MAGEB10: variants seen among roughly 807,000 people sequenced by gnomAD.
MAGEB10 encodes melanoma-associated antigen B10.
For missense variants in MAGEB10, 190 were observed against 261.9 expected (o/e 0.73, Z 1.89); for synonymous variants, 99 against 101.0 (o/e 0.98, Z 0.12).
chrX:27,815,017 T>C (rs1256168584), intron 1 of MAGEB10, among the ~76,000 whole-genome samples: 1 of 112,071 alleles, frequency 8.9e-6, no homozygotes, highest in East Asian at 2.8e-4. Flanking sequence ...CTCATTTTCG[T>C]AGGGTCCATC....
intron 1 of MAGEB10, among the ~76,000 whole-genome samples, chrX:27,810,200 C>T (rs1442184039): frequency 9.0e-6 from 1 of 111,714 alleles, no homozygotes; most frequent in Non-Finnish European, 1.9e-5. Context: ...ATAAATCTTG[C>T]TGCTGCTCCC....
At chrX:27,815,287 C>A (rs1923762594) in intron 1 of MAGEB10, among the ~76,000 whole-genome samples, 1 of 112,485 alleles carries the variant, frequency 8.9e-6, no homozygotes, top group Non-Finnish European at 1.9e-5. Flanking sequence ...CAACTCCCTG[C>A]AGATGTCCTC....
At chrX:27,812,307 C>G in intron 1 of MAGEB10, 1 of 167,529 alleles carries the variant, frequency 6.0e-6, no homozygotes, top group Admixed American at 6.0e-5. Context: ...AAATGTAATC[C>G]AGACGTAAAA....
At chrX:27,808,642 G>C (rs767023150) in intron 1 of MAGEB10, among the ~76,000 whole-genome samples, 2 of 111,070 alleles carry the variant, frequency 1.8e-5, no homozygotes, top group Admixed American at 1.9e-4. Context: ...AAAAAACCCC[G>C]GGCAGGGATC....
intron 1 of MAGEB10, among the ~76,000 whole-genome samples, chrX:27,816,987 A>C (rs1370073284): frequency 3.6e-5 from 4 of 109,717 alleles, no homozygotes; most frequent in Non-Finnish European, 7.6e-5. Flanking sequence ...TTGACACTGA[A>C]ATATGAACAG....
intron 1 of MAGEB10, among the ~76,000 whole-genome samples, chrX:27,811,693 G>C (rs1243412007): frequency 4.5e-5 from 5 of 112,275 alleles, no homozygotes; most frequent in Non-Finnish European, 5.6e-5. Flanking sequence ...TGATTCCTCA[G>C]GGGAAAGGCC....
rs781292678 is a variant in MAGEB10, at chrX:27,822,017, G to A, written c.711G>A (p.Glu237=). The change falls in exon 3 of 3, where the codon GAG becomes GAA. Residue 237 remains glutamate, a synonymous_variant. Coordinates refer to ENST00000356790, the MANE Select transcript of MAGEB10 (RefSeq NM_182506.3). ...CGATGGGGTTATATGACGGAATTGA[G>A]CACTTCATGTTTGGGGAGCCCAGGA... is the stretch of plus-strand genomic sequence containing the variant. ...FNTMGLYDGI[E]HFMFGEPRKL... The A allele has an allele frequency of 2.6e-5, 32 of 1,210,125 alleles. No individual in the cohort carries two copies. The highest frequency in any genetic ancestry group is 3.2e-5 in the Non-Finnish European group (29 of 895,328).
At chrX:27,818,753 T>C (rs1180317649) in intron 2 of MAGEB10, among the ~76,000 whole-genome samples, 1 of 112,075 alleles carries the variant, frequency 8.9e-6, no homozygotes, top group Non-Finnish European at 1.9e-5. Flanking sequence ...TTGAATGGAC[T>C]GCAGGTAACA....
At chrX:27,815,047 C>T (rs1267279240) in intron 1 of MAGEB10, among the ~76,000 whole-genome samples, 1 of 111,744 alleles carries the variant, frequency 8.9e-6, no homozygotes, top group African/African-American at 3.3e-5. Flanking sequence ...CTCCAGGGTT[C>T]TTTGGGAGCT....
At chrX:27,819,171 G>A (rs1284304323) in intron 2 of MAGEB10, among the ~76,000 whole-genome samples, 1 of 110,890 alleles carries the variant, frequency 9.0e-6, no homozygotes, top group Non-Finnish European at 1.9e-5. Flanking sequence ...GGTTGGGGAC[G>A]AAGGCTTTGT....
In MAGEB10 at chrX:27,822,612, G is replaced by A; in HGVS notation, c.*262G>A. 2.9e-6 allele frequency: 1 copy of A among 342,021 alleles called. No individual in the cohort carries two copies. The highest frequency in any genetic ancestry group is 5.2e-6 in the Non-Finnish European group (1 of 191,932). 28.2% of individuals were successfully genotyped at this position (342,021 alleles called of 1,213,427 possible). A position where few individuals can be genotyped will look rare whatever the true frequency, so the allele number is the denominator to read the frequency against. ...ATTTATTGCTTTATAAGTCTAATTG[G>A]GAAACTCTCCATTTATTTAGTGATC... On this transcript the variant is annotated 3_prime_UTR_variant, in exon 3 of 3. Transcript: ENST00000356790.
chrX:27,819,348 G>C (rs1039668265), intron 2 of MAGEB10, among the ~76,000 whole-genome samples: 3 of 111,488 alleles, frequency 2.7e-5, no homozygotes, highest in Non-Finnish European at 3.8e-5. Context: ...GGTCCCATAT[G>C]GGGGTGGCTA....
intron 1 of MAGEB10, among the ~76,000 whole-genome samples, chrX:27,817,315 C>T: frequency 9.1e-6 from 1 of 109,990 alleles, no homozygotes; most frequent in Middle Eastern, 4.7e-3. Context: ...TGTATGTATT[C>T]TTGTTGCCAA....
At chrX:27,820,320 T>C (rs1602865846) in intron 2 of MAGEB10, among the ~76,000 whole-genome samples, 1 of 111,417 alleles carries the variant, frequency 9.0e-6, no homozygotes. Context: ...CAAAAGGGAA[T>C]ACAAAGATCT....
chrX:27,820,029 T>C (rs183638914), intron 2 of MAGEB10, among the ~76,000 whole-genome samples: 65 of 109,836 alleles, frequency 5.9e-4, no homozygotes, highest in African/African-American at 2.1e-3. Flanking sequence ...ATTCCCTCTT[T>C]GGAAATTCAA....
At chrX:27,810,880 A>C (rs909578744) in intron 1 of MAGEB10, among the ~76,000 whole-genome samples, 1 of 110,262 alleles carries the variant, frequency 9.1e-6, no homozygotes, top group South Asian at 4.0e-4. Flanking sequence ...GAGGGAGGTG[A>C]CTCAGGCCCT....
chrX:27,809,250 C>T lies in MAGEB10; in HGVS notation c.-199+1214C>T, dbSNP rs767306042. 8.2e-5 allele frequency among the ~76,000 whole-genome samples: 9 copies of T among 109,913 alleles called. No individual in the cohort carries two copies. In the South Asian group the frequency reaches 2.0e-3, roughly 24 times the overall value. On this transcript the variant is annotated intron_variant, in intron 1 of 2. Coordinates refer to ENST00000356790, the MANE Select transcript of MAGEB10 (RefSeq NM_182506.3). ...CACTCAGAGCAGCTGGCAGGCCCCC[C>T]GGCCCAGGCAGTGAGGGGCTTAGCA...
intron 1 of MAGEB10, among the ~76,000 whole-genome samples, chrX:27,808,909 G>T (rs966154596): frequency 1.3e-4 from 15 of 112,376 alleles, no homozygotes; most frequent in African/African-American, 4.2e-4. Flanking sequence ...GGAGATGAGG[G>T]TATTGGACCA....
chrX:27,812,594 C>T (rs747767443), intron 1 of MAGEB10: 8 of 191,668 alleles, frequency 4.2e-5, no homozygotes, highest in African/African-American at 9.0e-5. Flanking sequence ...GACAGGAGCA[C>T]GTCATCTATG....
Sources: gnomAD v4.1 joint callset for allele counts (sites outside exome capture counted in the v4.1 genomes callset) on GRCh38, gnomAD v4.1.1 for gene constraint, MANE v1.5 for transcripts, NCBI Gene and HGNC (gene_info 2026-07-23, HGNC 2026-07-21) for gene names.